CR1: variants seen among roughly 807,000 people sequenced by gnomAD.
The protein encoded by CR1 is complement receptor type 1.
CR1 carries 116 observed loss-of-function variants against 187.3 expected under a neutral mutation model. The observed-to-expected ratio is 0.62, with a 90% confidence interval of 0.53 to 0.72. The LOEUF (loss-of-function observed/expected upper bound fraction) is 0.72, where lower values mean the gene tolerates loss of function less well. CR1 is among the 30% of genes least tolerant of loss of function. CR1 has a pLI of 0.00. For synonymous variants in CR1, 576 were observed against 747.1 expected, an observed-to-expected ratio of 0.77 and a Z score of 3.73; for missense variants, 1,731 against 2,110.7, an observed-to-expected ratio of 0.82 and a Z score of 3.52.
chr1:207,522,675 T>C (rs1660034120), intron 4 of CR1, among the ~76,000 whole-genome samples: 1 of 152,236 alleles, frequency 6.6e-6, no homozygotes, highest in South Asian at 2.1e-4. Flanking sequence ...CTAGCCTTTC[T>C]TGAGGGTGGA....
intron 35 of CR1, among the ~76,000 whole-genome samples, chr1:207,595,703 A>G (rs1334553813): frequency 1.1e-4 from 16 of 150,728 alleles, no homozygotes; most frequent in Admixed American, 1.1e-3. Context: ...AACTCCCACA[A>G]AGCTGTGGGA....
intron 3 of CR1, among the ~76,000 whole-genome samples, chr1:207,509,352 G>A (rs1266550975): frequency 6.6e-6 from 1 of 152,080 alleles, no homozygotes; most frequent in Non-Finnish European, 1.5e-5. Context: ...AAAAAGGTAG[G>A]GTAGGATGTA....
At chr1:207,515,175 A>G (rs1659758954) in intron 4 of CR1, among the ~76,000 whole-genome samples, 1 of 14,122 alleles carries the variant, frequency 7.1e-5, no homozygotes, top group Non-Finnish European at 2.9e-4. Flanking sequence ...ATATAGGTAT[A>G]TACATATATA....
intron 5 of CR1, among the ~76,000 whole-genome samples, chr1:207,526,195 G>A (rs1369688589): frequency 3.4e-4 from 51 of 152,146 alleles, no homozygotes; most frequent in African/African-American, 7.0e-4. Context: ...CATAGCATGA[G>A]GAGAGGAGAC....
chr1:207,625,043 G>A (rs1359291201), intron 45 of CR1, among the ~76,000 whole-genome samples: 1 of 151,984 alleles, frequency 6.6e-6, no homozygotes, highest in Admixed American at 6.6e-5. Context: ...TCAACTAGAG[G>A]GTCACACTCC....
chr1:207,609,252 A>T, intron 36 of CR1, 38 bp from the exon 37 acceptor site: 2 of 1,489,304 alleles, frequency 1.3e-6, no homozygotes, highest in Admixed American at 4.7e-5. Flanking sequence ...TTCATTATTA[A>T]AAAATAAGCT....
In CR1 at chr1:207,542,582, TGA is replaced by T; in HGVS notation, c.2236+4_2236+5del. 1 of 428,564 alleles carries T rather than the reference TGA, an allele frequency of 2.3e-6. No individual in the cohort carries two copies. Among genetic ancestry groups the T allele is most frequent in the Non-Finnish European group, 3.9e-6 (1 of 258,562 alleles). The allele number at this position is 428,564 out of a possible 1,614,324, so 26.5% of individuals were successfully genotyped here. On this transcript the variant is annotated splice_donor_region_variant and intron_variant, in intron 13 of 46. Transcript: ENST00000367049. The stretch of plus-strand genomic sequence containing the variant: ...CGGAGCTACCAAGCTGCTCCAGGGG[TGA>T]GTCTGACTGAGGCCTAGTAGGGCCC...
chr1:207,640,299 T>G lies in CR1; in HGVS notation c.*890T>G, dbSNP rs1662944759. On this transcript the variant is annotated 3_prime_UTR_variant, in exon 47 of 47. Transcript: ENST00000367049. ...ACAGGCACCTGCCAACACGCCCGGCTAATTTTTTTGTATTTTTAGTAGAGA... is the reference window on the plus strand; with the variant it reads ...ACAGGCACCTGCCAACACGCCCGGCGAATTTTTTTGTATTTTTAGTAGAGA... The G allele has an allele frequency of 6.6e-6, 1 of 152,150 alleles. No homozygotes were observed. Among genetic ancestry groups the G allele is most frequent in the East Asian group, 1.9e-4 (1 of 5,184 alleles). 9.4% of individuals were successfully genotyped at this position (152,150 alleles called of 1,614,324 possible). A position where few individuals can be genotyped will look rare whatever the true frequency, so the allele number is the denominator to read the frequency against.
Position 207,576,996 on chromosome 1 carries a change from C to A in CR1, c.4538-809C>A, listed in dbSNP as rs148231600. Among the ~76,000 whole-genome samples the A allele has an allele frequency of 2.6e-3, 397 of 152,192 alleles. 2 individuals are homozygous for A. Among genetic ancestry groups the A allele is most frequent in the African/African-American group, 9.2e-3 (383 of 41,536 alleles). ...CTAGGCACAGTGGCTCATGCCTGTA[C>A]TCCCAGCACATTAGGAGGCTGAGGT... is the stretch of plus-strand genomic sequence containing the variant. On this transcript the variant is annotated intron_variant, in intron 28 of 46. Transcript: ENST00000367049.
intron 45 of CR1, among the ~76,000 whole-genome samples, chr1:207,629,885 T>A (rs1044949278): frequency 6.6e-6 from 1 of 152,194 alleles, no homozygotes; most frequent in Non-Finnish European, 1.5e-5. Context: ...TAAATTTCAT[T>A]TTCCTTGCCT....
rs1241319348 is a variant in CR1 at position 207,574,091 on chromosome 1, A to AC, written c.4452-1502dup. ...GAGGCTTCAGTGAGCCTTGATGGCA[A>AC]CCTGCACTCCAGCCTGGATGACAGA... On this transcript the variant is annotated intron_variant, in intron 27 of 46. Coordinates refer to ENST00000367049, the MANE Select transcript of CR1 (RefSeq NM_000651.6). Among the ~76,000 whole-genome samples the AC allele has an allele frequency of 1.2e-3, 180 of 152,210 alleles. 2 individuals carry two copies. The highest frequency in any genetic ancestry group is 0.01 in the Middle Eastern group (3 of 294).
intron 37 of CR1, 146 bp from the exon 38 acceptor site, chr1:207,611,531 G>C: frequency 8.5e-7 from 1 of 1,170,992 alleles, no homozygotes; most frequent in Non-Finnish European, 1.2e-6. Context: ...TTCCTTGTTA[G>C]TGAGATGTGG....
At chr1:207,598,173 T>A (rs1661500936) in intron 35 of CR1, among the ~76,000 whole-genome samples, 1 of 152,212 alleles carries the variant, frequency 6.6e-6, no homozygotes, top group South Asian at 2.1e-4. Flanking sequence ...ATAATGGTTG[T>A]ATAATGTTGT....
chr1:207,594,262 A>C (rs1326835593), intron 35 of CR1, among the ~76,000 whole-genome samples: 1 of 152,214 alleles, frequency 6.6e-6, no homozygotes, highest in Non-Finnish European at 1.5e-5. Flanking sequence ...ACCATGGAAT[A>C]CTATGCAGCC....
chr1:207,497,502 T>G (rs2102327144), intron 1 of CR1, among the ~76,000 whole-genome samples: 1 of 152,230 alleles, frequency 6.6e-6, no homozygotes, highest in Admixed American at 6.5e-5. Flanking sequence ...TTCCTTCTTC[T>G]CTAAAAGAGT....
chr1:207,516,472 T>C (rs893182472), intron 4 of CR1, among the ~76,000 whole-genome samples: 1 of 152,238 alleles, frequency 6.6e-6, no homozygotes, highest in Non-Finnish European at 1.5e-5. Flanking sequence ...TACTTGGTGA[T>C]TCTTGGCCCT....
chr1:207,611,622 A>C, intron 37 of CR1, 55 bp from the exon 38 acceptor site: 1 of 1,601,104 alleles, frequency 6.2e-7, no homozygotes, highest in East Asian at 2.2e-5. Flanking sequence ...CATAAGATAT[A>C]ACAAAGGAAA....
At chr1:207,511,280 C>T (rs774501278) in intron 3 of CR1, among the ~76,000 whole-genome samples, 9 of 152,070 alleles carry the variant, frequency 5.9e-5, no homozygotes, top group Non-Finnish European at 1.2e-4. Flanking sequence ...TTTGTGCTAT[C>T]TTTTAAAAAA....
intron 5 of CR1, among the ~76,000 whole-genome samples, chr1:207,525,077 G>A (rs1429916165): frequency 2.0e-5 from 3 of 151,908 alleles, no homozygotes; most frequent in Non-Finnish European, 2.9e-5. Context: ...AGAGAGCAAG[G>A]CAGAGGTGCT....
Sources: allele counts gnomAD v4.1 joint callset (sites outside exome capture counted in the v4.1 genomes callset), GRCh38; gene constraint gnomAD v4.1.1; transcripts MANE v1.5; gene names NCBI Gene and HGNC (gene_info 2026-07-23, HGNC 2026-07-21).